The following CNTN3 variants were observed in gnomAD, a reference collection of about 807,000 sequenced individuals.
The protein encoded by CNTN3 is contactin-3.
A neutral mutation model predicts 119.1 loss-of-function variants in CNTN3; 60 were observed. That is an observed-to-expected ratio of 0.50 (90% CI 0.41 to 0.62). The LOEUF is 0.62. CNTN3 is among the 20% of genes least tolerant of loss of function. The pLI, the probability that CNTN3 is intolerant of heterozygous loss-of-function variation, is 0.00. For synonymous variants in CNTN3, 450 were observed against 438.7 expected (o/e 1.03, Z -0.32); for missense variants, 1,101 against 1,242.4 (o/e 0.89, Z 1.71).
chr3:74,365,697 G>A lies in CNTN3; in HGVS notation c.952C>T (p.Pro318Ser). ...ARGRLTYYAK[P>S]HWVQLIKDVE... The stretch of plus-strand genomic sequence containing the variant: ...TCCTTTATGAGTTGAACCCAATGGG[G>A]CTTTGCTTCAATGAAAGAAAAGGAA... The change falls in exon 9 of 23, where the codon CCC becomes TCC. Residue 318 changes from proline to serine, a missense_variant. By Grantham distance (74) the Pro-to-Ser change is moderately conservative (BLOSUM62 -1). Coordinates refer to ENST00000263665, the MANE Select transcript of CNTN3 (RefSeq NM_020872.3). The A allele has an allele frequency of 6.2e-7, 1 of 1,601,250 alleles. No homozygotes were observed. Among genetic ancestry groups the A allele is most frequent in the Non-Finnish European group, 8.5e-7 (1 of 1,174,090 alleles).
rs373338838 is a variant in CNTN3 at position 74,358,818 on chromosome 3, A to T, written c.1364+3072T>A. On this transcript the variant is annotated intron_variant, in intron 11 of 22. Coordinates refer to ENST00000263665, the MANE Select transcript of CNTN3 (RefSeq NM_020872.3). ...ATATTCCCCTTTCTGTGTCCATGTG[A>T]TCTCATTGTTCAATTCCCACCTATG... is the stretch of plus-strand genomic sequence containing the variant. Among the ~76,000 whole-genome samples the T allele has an allele frequency of 1.7e-4, 22 of 128,970 alleles. No individual in the cohort carries two copies. In the East Asian group the frequency reaches 4.7e-3, roughly 27 times the overall value. The allele number at this position is 128,970 out of a possible 152,430, so 84.6% of individuals were successfully genotyped here.
chr3:74,339,489 A>C (rs1255184327), intron 11 of CNTN3, among the ~76,000 whole-genome samples: 3 of 152,136 alleles, frequency 2.0e-5, no homozygotes, highest in Non-Finnish European at 2.9e-5. Flanking sequence ...ACTTTCCTGA[A>C]ACCATGAGTT....
intron 1 of CNTN3, among the ~76,000 whole-genome samples, chr3:74,526,678 T>C (rs1703623928): frequency 6.6e-6 from 1 of 151,890 alleles, no homozygotes; most frequent in African/African-American, 2.4e-5. Flanking sequence ...AAGGATATCA[T>C]GTGCCCAGTT....
At chr3:74,308,621 T>C (rs1445899171) in intron 13 of CNTN3, among the ~76,000 whole-genome samples, 1 of 152,132 alleles carries the variant, frequency 6.6e-6, no homozygotes, top group African/African-American at 2.4e-5. Context: ...TGGGAATTTT[T>C]TTTTTTTCTG....
At chr3:74,274,051 C>T (rs1699307759) in intron 20 of CNTN3, among the ~76,000 whole-genome samples, 1 of 152,056 alleles carries the variant, frequency 6.6e-6, no homozygotes, top group Non-Finnish European at 1.5e-5. Context: ...CTTCACTTCT[C>T]TGACAATCTG....
intron 4 of CNTN3, among the ~76,000 whole-genome samples, chr3:74,436,704 G>A (rs1701872146): frequency 6.6e-6 from 1 of 152,080 alleles, no homozygotes; most frequent in South Asian, 2.1e-4. Flanking sequence ...CCCAAAACCA[G>A]TGCCAAATTA....
chr3:74,267,300 G>A lies in CNTN3; in HGVS notation c.2783C>T (p.Ala928Val), dbSNP rs1464368275. ...TGTTACTTCTGACTCATTCTCCATG[G>A]CTTTAACTTGCTCCCAATTAAGTAA... ...KVLLNWEQVK[A>V]MENESEVTGY... The change falls in exon 21 of 23, where the codon GCC becomes GTC. Residue 928 changes from alanine to valine, a missense_variant. Ala to Val is a moderately conservative substitution (Grantham distance 64). Transcript: ENST00000263665. The A allele has an allele frequency of 1.4e-5, 23 of 1,612,614 alleles. No individual in the cohort carries two copies. The highest frequency in any genetic ancestry group is 1.9e-5 in the Non-Finnish European group (22 of 1,178,924).
At chr3:74,386,421 C>A (rs1329249174) in intron 5 of CNTN3, among the ~76,000 whole-genome samples, 3 of 152,106 alleles carry the variant, frequency 2.0e-5, no homozygotes, top group Non-Finnish European at 4.4e-5. Context: ...AGTTCGAGAC[C>A]AGCCTGGGCA....
intron 5 of CNTN3, among the ~76,000 whole-genome samples, chr3:74,413,902 A>C (rs1221113731): frequency 1.3e-5 from 2 of 152,232 alleles, no homozygotes; most frequent in Admixed American, 6.5e-5. Flanking sequence ...GTTTTCCTTC[A>C]GACAGAGCAA....
intron 1 of CNTN3, among the ~76,000 whole-genome samples, chr3:74,593,657 G>T (rs1704741717): frequency 6.6e-6 from 1 of 152,020 alleles, no homozygotes; most frequent in Middle Eastern, 3.4e-3. Context: ...ATACAGATGA[G>T]GAAACTGAAG....
chr3:74,509,005 A>T (rs1251525110), intron 2 of CNTN3, among the ~76,000 whole-genome samples: 2 of 152,234 alleles, frequency 1.3e-5, no homozygotes, highest in Non-Finnish European at 2.9e-5. Flanking sequence ...AAATCTACTG[A>T]ACTGCTACCT....
At chr3:74,467,762 G>A (rs1170324189) in intron 4 of CNTN3, among the ~76,000 whole-genome samples, 1 of 152,060 alleles carries the variant, frequency 6.6e-6, no homozygotes, top group Non-Finnish European at 1.5e-5. Flanking sequence ...AGCCATAACT[G>A]TTCTGCTATA....
At chr3:74,329,731 AAAGT>A (rs1407998335) in intron 13 of CNTN3, among the ~76,000 whole-genome samples, 1 of 152,200 alleles carries the variant, frequency 6.6e-6, no homozygotes, top group Non-Finnish European at 1.5e-5. Flanking sequence ...GCTCTATTTA[AAAGT>A]AAGGAAACAA....
intron 4 of CNTN3, among the ~76,000 whole-genome samples, chr3:74,433,030 G>A (rs1198660576): frequency 6.6e-6 from 1 of 152,154 alleles, no homozygotes; most frequent in Non-Finnish European, 1.5e-5. Flanking sequence ...GGTGATCTTA[G>A]AGGCAGTGGG....
intron 11 of CNTN3, among the ~76,000 whole-genome samples, chr3:74,353,295 G>C (rs752917274): frequency 1.3e-5 from 2 of 152,150 alleles, no homozygotes; most frequent in Non-Finnish European, 2.9e-5. Flanking sequence ...AATCATCCTG[G>C]TTATTTGCAA....
chr3:74,570,403 T>C (rs1017028705), intron 1 of CNTN3, among the ~76,000 whole-genome samples: 8 of 152,044 alleles, frequency 5.3e-5, no homozygotes, highest in African/African-American at 1.9e-4. Flanking sequence ...ATGTAGAGAA[T>C]TCTGCAAAGA....
chr3:74,520,646 ATAAGT>A (rs1393811196), intron 2 of CNTN3, among the ~76,000 whole-genome samples: 4 of 151,502 alleles, frequency 2.6e-5, no homozygotes, highest in Non-Finnish European at 3.0e-5. Flanking sequence ...GGTCCTTTAG[ATAAGT>A]TATTTGCTAA....
chr3:74,268,503 T>C (rs1050201575), intron 20 of CNTN3, among the ~76,000 whole-genome samples: 1 of 152,182 alleles, frequency 6.6e-6, no homozygotes, highest in Non-Finnish European at 1.5e-5. Flanking sequence ...AGAACTCAAA[T>C]ACATTTATGA....
At chr3:74,522,280 A>G (rs1266689111) in intron 1 of CNTN3, among the ~76,000 whole-genome samples, 2 of 151,946 alleles carry the variant, frequency 1.3e-5, no homozygotes, top group African/African-American at 4.8e-5. Flanking sequence ...AGGTTGTAAG[A>G]GATGGAATTG....
Sources: gnomAD v4.1 joint callset for allele counts (sites outside exome capture counted in the v4.1 genomes callset) on GRCh38, gnomAD v4.1.1 for gene constraint, MANE v1.5 for transcripts, NCBI Gene and HGNC (gene_info 2026-07-23, HGNC 2026-07-21) for gene names.